The following TAF11L12 variants were observed in gnomAD, a reference collection of about 807,000 sequenced individuals.
The protein encoded by TAF11L12 is TATA-box-binding protein-associated factor 11-like protein 12.
chr5:17,611,213 A>G (rs531157012), exon 1 of TAF11L12: 1 of 397,928 alleles, frequency 2.5e-6, no homozygotes, highest in South Asian at 1.3e-4. Context: ...CAGAAAACAG[A>G]TACCAAGGGG....
rs1437700793 is a variant in TAF11L12 at position 17,611,088 on chromosome 5, T to C, written c.99T>C (p.Asp33=). ...AGGATGGAATCCCTGAGGACCTAGA[T>C]GGGAACTTGGAAGAACCCAGGGATC... Residue 33 remains aspartate (D), a synonymous_variant, in exon 1 of 1, where the codon GAT becomes GAC. Coordinates refer to ENST00000503184, the Ensembl canonical transcript of TAF11L12. The C allele has an allele frequency of 3.0e-5, 12 of 397,710 alleles. 2 individuals are homozygous for C. Among genetic ancestry groups the C allele is most frequent in the African/African-American group, 6.2e-5 (3 of 48,184 alleles). 24.6% of individuals were successfully genotyped at this position (397,710 alleles called of 1,614,324 possible). A position where few individuals can be genotyped will look rare whatever the true frequency, so the allele number is the denominator to read the frequency against.
At chr5:17,610,652 G>A (rs1197780321) in exon 1 of TAF11L12, 1 of 225,572 alleles carries the variant, frequency 4.4e-6, no homozygotes, top group Admixed American at 5.7e-5. Flanking sequence ...ACTCTGAGCA[G>A]GAGGCAGTCA....
At chr5:17,611,600 A>C (rs1440795729), downstream of TAF11L12, 25 of 397,892 alleles carry the variant, frequency 6.3e-5, 1 homozygote, top group South Asian at 3.8e-4. Context: ...GGCCAGAGGG[A>C]AGGGTCTGTT....
exon 1 of TAF11L12, chr5:17,611,570 A>G (rs1204004180): frequency 2.0e-5 from 8 of 397,920 alleles, no homozygotes; most frequent in South Asian, 2.5e-4. Context: ...AACTATAAAA[A>G]AATCATGTTC....
downstream of TAF11L12, chr5:17,611,640 C>A (rs1739278440): frequency 2.5e-6 from 1 of 397,562 alleles, no homozygotes; most frequent in African/African-American, 2.1e-5. Flanking sequence ...CATTCATCTT[C>A]CAATGACAGG....
chr5:17,611,620 A>G (rs1469319176), downstream of TAF11L12: 3 of 397,856 alleles, frequency 7.5e-6, no homozygotes, highest in Admixed American at 8.8e-5. Flanking sequence ...TTGTGCAGGA[A>G]TAAGTATCGC....
chr5:17,610,927 A>T (rs1312128163), exon 1 of TAF11L12: 1 of 397,224 alleles, frequency 2.5e-6, no homozygotes, highest in Non-Finnish European at 4.4e-6. Flanking sequence ...CCATAATCGA[A>T]CCACCCCAGC....
chr5:17,611,843 T>C (rs1037167174), downstream of TAF11L12, among the ~76,000 whole-genome samples: 5 of 151,354 alleles, frequency 3.3e-5, no homozygotes, highest in African/African-American at 9.7e-5. Context: ...AGAATAAAGG[T>C]GCCTGGGCCT....
At chr5:17,611,470 G>C (rs1474068602) in exon 1 of TAF11L12, 2 of 397,862 alleles carry the variant, frequency 5.0e-6, no homozygotes, top group Non-Finnish European at 8.9e-6. Context: ...GGACGTGTGC[G>C]AGATGTGGGG....
downstream of TAF11L12, chr5:17,611,729 A>G (rs1230133080): frequency 5.1e-6 from 2 of 394,180 alleles, no homozygotes; most frequent in African/African-American, 4.1e-5. Context: ...TGTGAAGTTG[A>G]CCTTACCTAG....
chr5:17,610,913 A>C lies in TAF11L12; in HGVS notation c.-77A>C, dbSNP rs1260806478. The C allele has an allele frequency of 2.5e-6, 1 of 397,060 alleles. No individual in the cohort carries two copies. Among genetic ancestry groups the C allele is most frequent in the East Asian group, 3.6e-5 (1 of 28,024 alleles). The allele number at this position is 397,060 out of a possible 1,614,324, so 24.6% of individuals were successfully genotyped here. A position where few individuals can be genotyped will look rare whatever the true frequency, so the allele number is the denominator to read the frequency against. ...CAACTCTTTGAAAGGTTCTCATTGC[A>C]GATCCATAATCGAACCACCCCAGCC... On this transcript the variant is annotated 5_prime_UTR_variant, in exon 1 of 1. Transcript: ENST00000503184.
exon 1 of TAF11L12, chr5:17,611,556 C>T (rs1739276585): frequency 2.5e-6 from 1 of 398,074 alleles, no homozygotes. Context: ...TCTTCCCCAA[C>T]AGCAACTATA....
downstream of TAF11L12, chr5:17,611,654 G>A: frequency 2.5e-6 from 1 of 397,216 alleles, no homozygotes; most frequent in Non-Finnish European, 4.4e-6. Flanking sequence ...TGACAGGACT[G>A]CATTTGCTGG....
downstream of TAF11L12, chr5:17,611,639 T>A (rs1739278395): frequency 2.5e-6 from 1 of 397,584 alleles, no homozygotes; most frequent in East Asian, 3.6e-5. Flanking sequence ...GCATTCATCT[T>A]CCAATGACAG....
chr5:17,611,151 C>CA, the TAF11L12 span: 1 of 397,774 alleles, frequency 2.5e-6, no homozygotes, highest in South Asian at 1.3e-4. Flanking sequence ...TCATGGACCT[C>CA]ACAGAAGGTG....
At chr5:17,611,789 T>C (rs1739281109), downstream of TAF11L12, among the ~76,000 whole-genome samples, 1 of 151,480 alleles carries the variant, frequency 6.6e-6, no homozygotes, top group African/African-American at 2.4e-5. Context: ...TGTTTGGGAC[T>C]CCAGGGGCAT....
chr5:17,611,712 C>T, downstream of TAF11L12: 1 of 394,850 alleles, frequency 2.5e-6, no homozygotes, highest in Middle Eastern at 6.3e-4. Flanking sequence ...ATCTTAGTGT[C>T]TGAAACTGTG....
downstream of TAF11L12, among the ~76,000 whole-genome samples, chr5:17,611,838 A>C (rs148007949): frequency 8.3e-3 from 1,256 of 151,468 alleles, 41 homozygotes; most frequent in Non-Finnish European, 0.014. Flanking sequence ...TTGGAAGAAT[A>C]AAGGTGCCTG....
At chr5:17,611,244 C>T (rs567991272) in exon 1 of TAF11L12, 12 of 398,300 alleles carry the variant, frequency 3.0e-5, no homozygotes, top group South Asian at 2.6e-4. Flanking sequence ...GGAAGCCCAC[C>T]GTGGATGCAG....
Sources: allele counts gnomAD v4.1 joint callset (sites outside exome capture counted in the v4.1 genomes callset), GRCh38; gene constraint gnomAD v4.1.1; transcripts MANE v1.5; gene names NCBI Gene and HGNC (gene_info 2026-07-23, HGNC 2026-07-21).